BAZ2B: variants seen among roughly 807,000 people sequenced by gnomAD.
The protein encoded by BAZ2B is bromodomain adjacent to zinc finger domain protein 2B.
Under a neutral mutation model 246.0 loss-of-function variants are expected in BAZ2B, and 91 were observed. The ratio of observed to expected loss-of-function variants is 0.37; its 90% CI spans 0.31 to 0.44. The LOEUF (loss-of-function observed/expected upper bound fraction) is 0.44. Among genes scored for constraint, BAZ2B ranks in the 20% least tolerant of loss-of-function variants. The probability of loss-of-function intolerance (pLI) is 1.00; values close to 1 mark genes in which losing one functional copy is unlikely to be tolerated. For synonymous variants in BAZ2B, 855 were observed against 860.0 expected, an observed-to-expected ratio of 0.99 and a Z score of 0.10; for missense variants, 2,332 against 2,533.7, an observed-to-expected ratio of 0.92 and a Z score of 1.71.
the BAZ2B span, among the ~76,000 whole-genome samples, chr2:159,701,188 T>C: frequency 2.0e-5 from 3 of 152,236 alleles, no homozygotes; most frequent in African/African-American, 4.8e-5. Context: ...GAAACCTCAA[T>C]GTCTCTAGTG....
intron 1 of BAZ2B, among the ~76,000 whole-genome samples, chr2:159,608,257 C>G (rs1362953715): frequency 1.3e-5 from 2 of 152,160 alleles, no homozygotes; most frequent in Non-Finnish European, 2.9e-5. Flanking sequence ...GCCTGTAGTC[C>G]CAGCTACTTG....
chr2:159,323,088 G>A (rs1362951988), intron 36 of BAZ2B, among the ~76,000 whole-genome samples: 2 of 150,954 alleles, frequency 1.3e-5, no homozygotes, highest in Admixed American at 1.3e-4. Flanking sequence ...CCAGTTTCAA[G>A]TGATTCTTGT....
intron 3 of BAZ2B, among the ~76,000 whole-genome samples, chr2:159,474,070 AT>A (rs1307189002): frequency 6.6e-6 from 1 of 152,164 alleles, no homozygotes; most frequent in Non-Finnish European, 1.5e-5. Flanking sequence ...ATAGATGTGT[AT>A]TAGGTCTGCT....
chr2:159,535,303 C>T (rs1287788493), intron 2 of BAZ2B, among the ~76,000 whole-genome samples: 4 of 152,190 alleles, frequency 2.6e-5, no homozygotes, highest in Non-Finnish European at 5.9e-5. Flanking sequence ...GGGCGGATCA[C>T]TTGAGGTCAG....
the BAZ2B span, among the ~76,000 whole-genome samples, chr2:159,700,179 A>AGACTTAGAATTTAATG: frequency 4.6e-5 from 7 of 152,198 alleles, no homozygotes; most frequent in African/African-American, 1.7e-4. Flanking sequence ...AGAATTTAAT[A>AGACTTAGAATTTAATG]GCAGACTTAG....
At chr2:159,368,800 G>C (rs1285386917) in intron 27 of BAZ2B, among the ~76,000 whole-genome samples, 1 of 146,988 alleles carries the variant, frequency 6.8e-6, no homozygotes, top group Non-Finnish European at 1.5e-5. Context: ...ATGTAGAAGA[G>C]CCTGGATGGA....
At chr2:159,595,629 C>T (rs1690513642) in intron 1 of BAZ2B, among the ~76,000 whole-genome samples, 1 of 152,194 alleles carries the variant, frequency 6.6e-6, no homozygotes, top group Admixed American at 6.5e-5. Flanking sequence ...CTAAAAGTTA[C>T]AATTAATATG....
the BAZ2B span, among the ~76,000 whole-genome samples, chr2:159,696,655 C>T: frequency 3.3e-5 from 5 of 152,240 alleles, no homozygotes; most frequent in Non-Finnish European, 2.9e-5. Context: ...CTTTCCACCA[C>T]AGCTTGCACA....
chr2:159,329,138 A>G (rs1032909163), intron 34 of BAZ2B, among the ~76,000 whole-genome samples: 10 of 141,432 alleles, frequency 7.1e-5, no homozygotes, highest in Non-Finnish European at 1.2e-4. Context: ...CTTAATAGGA[A>G]AAAAAAAAAA....
At chr2:159,539,906 A>C (rs540536424) in intron 2 of BAZ2B, among the ~76,000 whole-genome samples, 114 of 151,982 alleles carry the variant, frequency 7.5e-4, no homozygotes, top group Non-Finnish European at 1.1e-3. Flanking sequence ...CTTTCTGGTG[A>C]TTCATTTCTC....
intron 1 of BAZ2B, among the ~76,000 whole-genome samples, chr2:159,592,332 T>G (rs977863144): frequency 6.6e-6 from 1 of 152,194 alleles, no homozygotes; most frequent in African/African-American, 2.4e-5. Flanking sequence ...TATTTATTTT[T>G]AGAGACAGGG....
chr2:159,326,203 T>G (rs2148825448), intron 34 of BAZ2B, among the ~76,000 whole-genome samples: 1 of 152,304 alleles, frequency 6.6e-6, no homozygotes, highest in South Asian at 2.1e-4. Context: ...TAGTATTCTT[T>G]CAGTCTAGGT....
chr2:159,374,863 C>G (rs549974933), intron 25 of BAZ2B, 110 bp from the exon 26 acceptor site: 1 of 850,508 alleles, frequency 1.2e-6, no homozygotes, highest in East Asian at 2.7e-5. Flanking sequence ...TATTAAGACT[C>G]AGTTCTTTTC....
At chr2:159,555,303 C>G (rs2088954295) in intron 2 of BAZ2B, 1 of 151,994 alleles carries the variant, frequency 6.6e-6, no homozygotes, top group African/African-American at 2.4e-5. Context: ...GTTGGCCAGG[C>G]TAGTCTCGAA....
chr2:159,686,189 C>T, the BAZ2B span, among the ~76,000 whole-genome samples: 1 of 152,060 alleles, frequency 6.6e-6, no homozygotes, highest in Admixed American at 6.5e-5. Flanking sequence ...GCCCTTGAAC[C>T]CAGGAGTTCA....
At chr2:159,377,770 C>T (rs536396634) in intron 25 of BAZ2B, among the ~76,000 whole-genome samples, 6 of 145,974 alleles carry the variant, frequency 4.1e-5, no homozygotes, top group Admixed American at 3.5e-4. Context: ...TGAGATGGTG[C>T]CCCTGCACTC....
intron 9 of BAZ2B, 25 bp downstream of exon 9, chr2:159,432,732 C>T: frequency 1.3e-6 from 2 of 1,595,886 alleles, no homozygotes; most frequent in Admixed American, 1.7e-5. Context: ...TAGAGAAATA[C>T]TTTAAATTTT....
the BAZ2B span, chr2:159,710,817 C>T: frequency 6.6e-6 from 1 of 152,136 alleles, no homozygotes; most frequent in African/African-American, 2.4e-5. Flanking sequence ...GTTACCACTG[C>T]CAGGTCTGAC....
At chr2:159,523,693 G>A (rs760779136) in intron 2 of BAZ2B, among the ~76,000 whole-genome samples, 66 of 151,976 alleles carry the variant, frequency 4.3e-4, no homozygotes, top group Admixed American at 1.5e-3. Flanking sequence ...GTGAGACTCC[G>A]TCTCAAAAAA....
Sources: gnomAD v4.1 joint callset for allele counts (sites outside exome capture counted in the v4.1 genomes callset) on GRCh38, gnomAD v4.1.1 for gene constraint, MANE v1.5 for transcripts, NCBI Gene and HGNC (gene_info 2026-07-23, HGNC 2026-07-21) for gene names.